COL7A1: variants seen among roughly 807,000 people sequenced by gnomAD.
COL7A1 encodes the protein collagen type VII alpha 1 chain.
A neutral mutation model predicts 456.2 loss-of-function variants in COL7A1; 296 were observed. The ratio of observed to expected loss-of-function variants is 0.65; its 90% CI spans 0.59 to 0.71. The LOEUF is 0.71. COL7A1 is among the 30% of genes least tolerant of loss of function. The probability of loss-of-function intolerance (pLI) is 0.00; values close to 1 mark genes in which losing one functional copy is unlikely to be tolerated. For missense variants in COL7A1, 3,441 were observed against 4,017.2 expected, an observed-to-expected ratio of 0.86 and a Z score of 3.88; for synonymous variants, 1,464 against 1,525.9, an observed-to-expected ratio of 0.96 and a Z score of 0.95.
Position 48,574,482 on chromosome 3 carries a change from A to T in COL7A1, c.6456+6T>A. On this transcript the variant is annotated splice_donor_region_variant and intron_variant, in intron 79 of 118. Coordinates refer to ENST00000681320, the MANE Select transcript of COL7A1 (RefSeq NM_000094.4). This position sits in a 1 kb window ranked among gnomAD's most constrained non-coding sequence, Gnocchi z 5.0. ...GCACATGTGTGGCTGTTGGGCAAGG[A>T]CTTACCGGGTTGCCGTCCTGACCCC... 1 of 1,614,112 alleles carries T rather than the reference A, an allele frequency of 6.2e-7. No homozygotes were observed. The highest frequency in any genetic ancestry group is 8.5e-7 in the Non-Finnish European group (1 of 1,180,024).
rs41290692 is a variant in COL7A1, at chr3:48,590,720, C to A, written c.1733G>T (p.Arg578Leu). The A allele has an allele frequency of 1.1e-5, 18 of 1,614,004 alleles. No homozygotes were observed. The highest frequency in any genetic ancestry group is 1.5e-5 in the Non-Finnish European group (18 of 1,180,040). Residue 578 changes from arginine to leucine, a missense_variant, in exon 14 of 119, where the codon CGA becomes CTA. By Grantham distance (102) the Arg-to-Leu change is moderately radical. Transcript: ENST00000681320. This position sits in a 1 kb window ranked among gnomAD's most constrained non-coding sequence, Gnocchi z 4.6. Reference protein sequence around the residue: ...GLSYTVRVSARVGPREGSASV... With the variant: ...GLSYTVRVSALVGPREGSASV... ...GGCACTGCCCTCACGGGGACCCACT[C>A]GAGCAGACACCCGCACAGTGTAGCT...
Position 48,573,255 on chromosome 3 carries a change from C to T in COL7A1, c.6652-19G>A. Reference sequence around the variant, plus strand: ...TCAGGCCCTGGAGGAAGAGAAAGTTCAGGGCAGTGCCAACCCCACCCATCT... The same window carrying T: ...TCAGGCCCTGGAGGAAGAGAAAGTTTAGGGCAGTGCCAACCCCACCCATCT... On this transcript the variant is annotated intron_variant, in intron 84 of 118. Transcript: ENST00000681320. The surrounding 1 kb of genome is among the most constrained non-coding windows in gnomAD (Gnocchi z 5.5). 1 of 1,614,060 alleles carries T rather than the reference C, an allele frequency of 6.2e-7. No individual in the cohort carries two copies. Among genetic ancestry groups the T allele is most frequent in the Non-Finnish European group, 8.5e-7 (1 of 1,180,018 alleles).
Position 48,565,347 on chromosome 3 carries a change from T to C in COL7A1, c.8527+63A>G. On this transcript the variant is annotated intron_variant, in intron 116 of 118. Coordinates refer to ENST00000681320, the MANE Select transcript of COL7A1 (RefSeq NM_000094.4). The surrounding 1 kb of genome is among the most constrained non-coding windows in gnomAD (Gnocchi z 4.5). The stretch of plus-strand genomic sequence containing the variant: ...GTGCTTGGCGTGTGCCCTGCATTCA[T>C]GGACACCCATGTGCGTGTCTCGGCC... 3 of 1,533,378 alleles carry C rather than the reference T, an allele frequency of 2.0e-6. No homozygotes were observed. Among genetic ancestry groups the C allele is most frequent in the Non-Finnish European group, 2.7e-6 (3 of 1,124,998 alleles). The allele number at this position is 1,533,378 out of a possible 1,614,324, so 95.0% of individuals were successfully genotyped here.
In COL7A1 at chr3:48,568,761, C is replaced by T. The variant is rs1273320624; in HGVS notation, c.7758+23G>A. ...TGCTGGCTCTGGACCTGGGCCTGGG[C>T]CTGGGCCTGGGGCAGAACTTGCCTG... On this transcript the variant is annotated intron_variant, in intron 104 of 118. Coordinates refer to ENST00000681320, the MANE Select transcript of COL7A1 (RefSeq NM_000094.4). The surrounding 1 kb of genome is among the most constrained non-coding windows in gnomAD (Gnocchi z 5.2). The T allele has an allele frequency of 6.4e-7, 1 of 1,557,774 alleles. No individual in the cohort carries two copies. The highest frequency in any genetic ancestry group is 2.4e-5 in the East Asian group (1 of 41,800).
In COL7A1 at chr3:48,585,617, GC is replaced by G; in HGVS notation, c.3833del (p.Gly1278AlafsTer47). ...CCTGGGGGCCGGGAGCACCGGTCCT[GC>G]CCTGAAAGAAGATAGCAGTTAGGTG... Reference protein sequence around the residue: ...VGPPGDPGLPGRTGAPGPQGP... With the variant: ...VGPPGDPGLPXRTGAPGPQGP... On this transcript the variant is annotated frameshift_variant and splice_region_variant, in exon 32 of 119. Coordinates refer to ENST00000681320, the MANE Select transcript of COL7A1 (RefSeq NM_000094.4). LOFTEE classifies it high-confidence loss of function. This position sits in a 1 kb window ranked among gnomAD's most constrained non-coding sequence, Gnocchi z 4.5. The G allele has an allele frequency of 6.2e-7, 1 of 1,614,014 alleles. No individual in the cohort carries two copies. Among genetic ancestry groups the G allele is most frequent in the East Asian group, 2.2e-5 (1 of 44,868 alleles).
chr3:48,576,132 G>C, intron 71 of COL7A1, 117 bp downstream of exon 71: 1 of 1,507,648 alleles, frequency 6.6e-7, no homozygotes, highest in Admixed American at 1.8e-5. Flanking sequence ...AATGGGGCAG[G>C]GCACTGAACA....
chr3:48,589,604 G>A lies in COL7A1; in HGVS notation c.2165C>T (p.Ala722Val). The change falls in exon 17 of 119, where the codon GCC becomes GTC. Residue 722 changes from alanine to valine, a missense_variant. Transcript: ENST00000681320. ...TCCCAAACCCCAGTCCCCACCGTGGGCTGAGTGCCAGGAAACCCTGTATCC... is the reference window on the plus strand; with the variant it reads ...TCCCAAACCCCAGTCCCCACCGTGGACTGAGTGCCAGGAAACCCTGTATCC... ...ATGYRVSWHS[A>V]HGPEKSQLVS... 6.2e-7 allele frequency: 1 copy of A among 1,613,694 alleles called. No homozygotes were observed. Among genetic ancestry groups the A allele is most frequent in the South Asian group, 1.1e-5 (1 of 91,066 alleles).
At position 48,590,505 on chromosome 3, in the gene COL7A1, G is replaced by A. The variant is rs369313576; in HGVS notation, c.1860C>T (p.Pro620=). ...DATRVRVAWG[P]VPGASGFRIS... Reference sequence around the variant, plus strand: ...TCCGAAATCCACTGGCTCCAGGGACGGGTCCCCAGGCCACCCTCACTCGCG... The same window carrying A: ...TCCGAAATCCACTGGCTCCAGGGACAGGTCCCCAGGCCACCCTCACTCGCG... The change falls in exon 15 of 119, where the codon CCC becomes CCT. Residue 620 remains proline, a synonymous_variant. Transcript: ENST00000681320. The surrounding 1 kb of genome is among the most constrained non-coding windows in gnomAD (Gnocchi z 4.6). 2.4e-5 allele frequency: 38 copies of A among 1,614,124 alleles called. No individual in the cohort carries two copies. The highest frequency in any genetic ancestry group is 6.6e-5 in the South Asian group (6 of 91,078).
In COL7A1 at chr3:48,572,285, A is replaced by G. The variant is rs952418588; in HGVS notation, c.6978+95T>C. 1 of 1,611,826 alleles carries G rather than the reference A, an allele frequency of 6.2e-7. No homozygotes were observed. Among genetic ancestry groups the G allele is most frequent in the African/African-American group, 1.3e-5 (1 of 74,974 alleles). ...CGGTCTACTATGAAAGCTGAGGGTC[A>G]TGAGGGTGGGTAAACTATGGGTCGA... On this transcript the variant is annotated intron_variant, in intron 90 of 118. Transcript: ENST00000681320. This position sits in a 1 kb window ranked among gnomAD's most constrained non-coding sequence, Gnocchi z 4.6.
At position 48,586,752 on chromosome 3, in the gene COL7A1, G is replaced by A; in HGVS notation, c.3277-63C>T. The A allele has an allele frequency of 6.5e-7, 1 of 1,545,678 alleles. No individual in the cohort carries two copies. The highest frequency in any genetic ancestry group is 2.4e-5 in the East Asian group (1 of 40,818). ...CAGAGCAGGGATGGGGGTGCACAGA[G>A]CCTGGAGAAACACATCAGGGTGTGT... On this transcript the variant is annotated intron_variant, in intron 25 of 118. Coordinates refer to ENST00000681320, the MANE Select transcript of COL7A1 (RefSeq NM_000094.4). This position sits in a 1 kb window ranked among gnomAD's most constrained non-coding sequence, Gnocchi z 5.1.
At position 48,583,378 on chromosome 3, in the gene COL7A1, C is replaced by G; in HGVS notation, c.4437+15G>C. ...GTAGCACCCCTCACACCTGAATCCC[C>G]CAACTGGTACTCACTTTGGGGCCAA... On this transcript the variant is annotated intron_variant, in intron 42 of 118. Coordinates refer to ENST00000681320, the MANE Select transcript of COL7A1 (RefSeq NM_000094.4). This position sits in a 1 kb window ranked among gnomAD's most constrained non-coding sequence, Gnocchi z 5.1. 1 of 1,614,054 alleles carries G rather than the reference C, an allele frequency of 6.2e-7. No individual in the cohort carries two copies.
chr3:48,594,742 G>A lies in COL7A1; in HGVS notation c.86-194C>T, dbSNP rs1454439304. ...GGGTCCCAGAGCAGACTCCCGCGGA[G>A]GGTTGGGGGTGTGCGGGGGAGGGAG... is the stretch of plus-strand genomic sequence containing the variant. On this transcript the variant is annotated intron_variant, in intron 2 of 118. Transcript: ENST00000681320. The surrounding 1 kb of genome is among the most constrained non-coding windows in gnomAD (Gnocchi z 5.5). Among the ~76,000 whole-genome samples, 1 of 152,214 alleles carries A rather than the reference G, an allele frequency of 6.6e-6. No homozygotes were observed. The highest frequency in any genetic ancestry group is 2.4e-5 in the African/African-American group (1 of 41,466).
Position 48,591,873 on chromosome 3 carries a change from T to C in COL7A1, c.1357+25A>G. Reference sequence around the variant, plus strand: ...CAGAGGCCATGCCCTGACCCTTGCCTGTCCATCCCTTCCCCCGCACTGACC... The same window carrying C: ...CAGAGGCCATGCCCTGACCCTTGCCCGTCCATCCCTTCCCCCGCACTGACC... On this transcript the variant is annotated intron_variant, in intron 11 of 118. Coordinates refer to ENST00000681320, the MANE Select transcript of COL7A1 (RefSeq NM_000094.4). The surrounding 1 kb of genome is among the most constrained non-coding windows in gnomAD (Gnocchi z 7.0). 1.2e-6 allele frequency: 2 copies of C among 1,614,202 alleles called. No homozygotes were observed. The highest frequency in any genetic ancestry group is 8.5e-7 in the Non-Finnish European group (1 of 1,180,018).
At position 48,593,216 on chromosome 3, in the gene COL7A1, G is replaced by A; in HGVS notation, c.568C>T (p.Pro190Ser). The change falls in exon 6 of 119, where the codon CCC becomes TCC. Residue 190 changes from proline (P) to serine (S), a missense_variant. Coordinates refer to ENST00000681320, the MANE Select transcript of COL7A1 (RefSeq NM_000094.4). This position sits in a 1 kb window ranked among gnomAD's most constrained non-coding sequence, Gnocchi z 4.4. ...ACGAAGAAGAAGAAGTCACTGGTGG[G>A]CTGTGAGGCAACTCGCTTCAGCTCC... Reference protein sequence around the residue: ...PEELKRVASQPTSDFFFFVND... With the variant: ...PEELKRVASQSTSDFFFFVND... 6.2e-7 allele frequency: 1 copy of A among 1,614,108 alleles called. No individual in the cohort carries two copies. Among genetic ancestry groups the A allele is most frequent in the Non-Finnish European group, 8.5e-7 (1 of 1,180,010 alleles).
chr3:48,584,220 G>C, intron 37 of COL7A1, 78 bp downstream of exon 37: 1 of 1,543,444 alleles, frequency 6.5e-7, no homozygotes, highest in South Asian at 1.2e-5. Context: ...ACAAGGGCCA[G>C]AGTAACTGGC....
chr3:48,579,828 G>T lies in COL7A1; in HGVS notation c.5125-14C>A. The T allele has an allele frequency of 6.2e-7, 1 of 1,614,132 alleles. No individual in the cohort carries two copies. Among genetic ancestry groups the T allele is most frequent in the Non-Finnish European group, 8.5e-7 (1 of 1,180,026 alleles). ...TCCTGTGTCTACCTGTGGGGGGAAT[G>T]ACCAGTGAGAAGAATGGCTCAACAA... On this transcript the variant is annotated splice_polypyrimidine_tract_variant and intron_variant, in intron 57 of 118. Coordinates refer to ENST00000681320, the MANE Select transcript of COL7A1 (RefSeq NM_000094.4). The surrounding 1 kb of genome is among the most constrained non-coding windows in gnomAD (Gnocchi z 4.4).
chr3:48,568,259 G>T lies in COL7A1; in HGVS notation c.7795-89C>A, dbSNP rs1447976810. 3 of 1,462,384 alleles carry T rather than the reference G, an allele frequency of 2.1e-6. No individual in the cohort carries two copies. In the East Asian group the frequency reaches 6.8e-5, roughly 33 times the overall value. 90.6% of individuals were successfully genotyped at this position (1,462,384 alleles called of 1,614,324 possible). On this transcript the variant is annotated intron_variant, in intron 105 of 118. Transcript: ENST00000681320. This position sits in a 1 kb window ranked among gnomAD's most constrained non-coding sequence, Gnocchi z 5.2. ...TGGATAGTGGGTAGGGAACACCATG[G>T]GGTGGGAGTCACCTCTGGAGGCCAG... is the stretch of plus-strand genomic sequence containing the variant.
At position 48,577,028 on chromosome 3, in the gene COL7A1, C is replaced by T. The variant is rs754600794; in HGVS notation, c.5533-1G>A. 1.2e-6 allele frequency: 2 copies of T among 1,613,942 alleles called. No individual in the cohort carries two copies. Among genetic ancestry groups the T allele is most frequent in the Non-Finnish European group, 1.7e-6 (2 of 1,180,044 alleles). Reference sequence around the variant, plus strand: ...CTTCTCCAGGGTCCCCAGGTTCTCCCTGTGGGCAGAGGACTCACATCAGCC... The same window carrying T: ...CTTCTCCAGGGTCCCCAGGTTCTCCTTGTGGGCAGAGGACTCACATCAGCC... On this transcript the variant is annotated splice_acceptor_variant, in intron 65 of 118. Coordinates refer to ENST00000681320, the MANE Select transcript of COL7A1 (RefSeq NM_000094.4). LOFTEE classifies it high-confidence loss of function.
At chr3:48,589,016 AG>A in intron 18 of COL7A1, 21 bp from the exon 19 acceptor site, 1 of 1,613,154 alleles carries the variant, frequency 6.2e-7, no homozygotes, top group Non-Finnish European at 8.5e-7. Context: ...AGGCAAGGTA[AG>A]GGGTCCTGGT....
Sources: gnomAD v4.1 joint callset for allele counts (sites outside exome capture counted in the v4.1 genomes callset) on GRCh38, gnomAD v4.1.1 for gene constraint, Gnocchi (gnomAD v3.1) non-coding constraint, MANE v1.5 for transcripts, NCBI Gene and HGNC (gene_info 2026-07-23, HGNC 2026-07-21) for gene names.